SLF1: variants seen among roughly 807,000 people sequenced by gnomAD.
SLF1 encodes the protein SMC5-SMC6 complex localization factor protein 1.
Under a neutral mutation model 123.0 loss-of-function variants are expected in SLF1, and 105 were observed. That is an observed-to-expected ratio of 0.85 (90% confidence interval 0.73 to 1.00). SLF1 has a LOEUF of 1.00. SLF1 is among the 50% of genes least tolerant of loss of function. The pLI is 0.00. For missense variants in SLF1, 1,239 were observed against 1,223.0 expected, an observed-to-expected ratio of 1.01 and a Z score of -0.20; for synonymous variants, 434 against 406.6, an observed-to-expected ratio of 1.07 and a Z score of -0.81.
At chr5:94,686,375 A>G (rs1012056515) in intron 15 of SLF1, among the ~76,000 whole-genome samples, 198 bp from the exon 16 acceptor site, 2 of 152,186 alleles carry the variant, frequency 1.3e-5, no homozygotes, top group Non-Finnish European at 2.9e-5. Flanking sequence ...GTGTGAGAAC[A>G]TGTGCCATTA....
intron 12 of SLF1, among the ~76,000 whole-genome samples, chr5:94,667,813 A>G (rs550166405): frequency 1.3e-5 from 2 of 152,292 alleles, no homozygotes; most frequent in Non-Finnish European, 2.9e-5. Context: ...CAATGGCACA[A>G]TCACGGCTCA....
At chr5:94,658,626 C>G (rs1308824914) in intron 9 of SLF1, among the ~76,000 whole-genome samples, 1 of 152,082 alleles carries the variant, frequency 6.6e-6, no homozygotes, top group African/African-American at 2.4e-5. Flanking sequence ...GATAGTTTGA[C>G]TGTAATGTGC....
Position 94,686,660 on chromosome 5 carries a change from AGTT to A in SLF1, c.2066_2068del (p.Leu689del). On this transcript the variant is annotated inframe_deletion, in exon 16 of 21. Coordinates refer to ENST00000265140, the MANE Select transcript of SLF1 (RefSeq NM_032290.4). ...TTTGTTGCAGAGGCAGTCTTTAAAA[AGTT>A]GTGTCTACAGAGCTCTGGCAGTGTT... The A allele has an allele frequency of 1.2e-6, 2 of 1,614,162 alleles. No homozygotes were observed. Among genetic ancestry groups the A allele is most frequent in the South Asian group, 1.1e-5 (1 of 91,082 alleles).
chr5:94,643,459 T>C, intron 5 of SLF1, 24 bp downstream of exon 5: 3 of 1,342,344 alleles, frequency 2.2e-6, no homozygotes, highest in Non-Finnish European at 3.0e-6. Context: ...ATAGTAAACA[T>C]TTTATTTTGT....
intron 5 of SLF1, among the ~76,000 whole-genome samples, chr5:94,646,727 C>G (rs937291969): frequency 6.6e-6 from 1 of 152,104 alleles, no homozygotes; most frequent in African/African-American, 2.4e-5. Context: ...TGAGCCAGAT[C>G]AACTAATTTG....
At position 94,689,459 on chromosome 5, in the gene SLF1, AC is replaced by A. The variant is rs779144934; in HGVS notation, c.2286-13del. The A allele has an allele frequency of 6.2e-7, 1 of 1,600,764 alleles. No homozygotes were observed. The highest frequency in any genetic ancestry group is 1.1e-5 in the South Asian group (1 of 87,938). On this transcript the variant is annotated splice_polypyrimidine_tract_variant and intron_variant, in intron 17 of 20. Transcript: ENST00000265140. ...GAAAAACAAGCTTTCATTATTTCTT[AC>A]TTTTCCTTTCAGAGACCTGAACCTT...
At chr5:94,622,108 G>C (rs891303735) in intron 1 of SLF1, among the ~76,000 whole-genome samples, 51 of 152,216 alleles carry the variant, frequency 3.4e-4, no homozygotes, top group African/African-American at 1.2e-3. Context: ...CACAGTATAA[G>C]TACTGTGACA....
chr5:94,643,402 T>C lies in SLF1; in HGVS notation c.561T>C (p.Tyr187=). The C allele has an allele frequency of 6.6e-7, 1 of 1,523,478 alleles. No homozygotes were observed. Among genetic ancestry groups the C allele is most frequent in the Admixed American group, 2.1e-5 (1 of 46,572 alleles). 94.4% of individuals were successfully genotyped at this position (1,523,478 alleles called of 1,614,324 possible). A position where few individuals can be genotyped will look rare whatever the true frequency, so the allele number is the denominator to read the frequency against. ...AAGATAACTTTAAGGCTCCATTTTA[T>C]CCAATTCAGTATCTAGGGGATTTTC... ...KEKDNFKAPF[Y]PIQYLGDFLL... The change falls in exon 5 of 21, where the codon TAT becomes TAC. Residue 187 remains tyrosine, a synonymous_variant. Transcript: ENST00000265140.
intron 6 of SLF1, among the ~76,000 whole-genome samples, chr5:94,651,279 C>T (rs1465142940): frequency 6.6e-6 from 1 of 152,152 alleles, no homozygotes; most frequent in Non-Finnish European, 1.5e-5. Flanking sequence ...AATCAACTAA[C>T]GATGTACTTC....
intron 4 of SLF1, among the ~76,000 whole-genome samples, chr5:94,642,273 T>G (rs1746536487): frequency 6.6e-6 from 1 of 152,168 alleles, no homozygotes; most frequent in Non-Finnish European, 1.5e-5. Context: ...TCCCTGCATT[T>G]CTCCTAACCT....
intron 4 of SLF1, among the ~76,000 whole-genome samples, chr5:94,638,174 C>A (rs66488253): frequency 0.23 from 34,593 of 151,510 alleles, 4,075 homozygotes; most frequent in East Asian, 0.34. Context: ...TCTTCTTCTT[C>A]TTATTTTTTA....
At chr5:94,668,418 C>G (rs537395977) in intron 12 of SLF1, among the ~76,000 whole-genome samples, 2 of 151,996 alleles carry the variant, frequency 1.3e-5, no homozygotes, top group South Asian at 4.2e-4. Flanking sequence ...ACTGCAACCT[C>G]CGCCTCGCAG....
chr5:94,648,419 T>C (rs749494327), intron 5 of SLF1, among the ~76,000 whole-genome samples: 1 of 152,198 alleles, frequency 6.6e-6, no homozygotes, highest in Admixed American at 6.5e-5. Context: ...GTTTTTTTTA[T>C]AATTGTTCCC....
At chr5:94,687,307 ATTATGGTTGCACT>A (rs1463200994) in intron 16 of SLF1, among the ~76,000 whole-genome samples, 1 of 152,172 alleles carries the variant, frequency 6.6e-6, no homozygotes, top group African/African-American at 2.4e-5. Context: ...GCTGTAGTGC[ATTATGGTTGCACT>A]TGTGCATAGC....
At chr5:94,630,340 A>G (rs1456110259) in intron 3 of SLF1, among the ~76,000 whole-genome samples, 163 bp from the exon 4 acceptor site, 1 of 152,224 alleles carries the variant, frequency 6.6e-6, no homozygotes, top group African/African-American at 2.4e-5. Context: ...TAAGCCTCTT[A>G]CTATCAGAAA....
chr5:94,642,558 G>GTT (rs1240157779), intron 4 of SLF1, among the ~76,000 whole-genome samples: 1 of 152,222 alleles, frequency 6.6e-6, no homozygotes, highest in East Asian at 1.9e-4. Flanking sequence ...TGGTTGACTT[G>GTT]TTACCTCGGT....
Position 94,688,558 on chromosome 5 carries a change from A to G in SLF1, c.2174A>G (p.Lys725Arg). 5.6e-6 allele frequency: 9 copies of G among 1,614,096 alleles called. No homozygotes were observed. The highest frequency in any genetic ancestry group is 7.6e-6 in the Non-Finnish European group (9 of 1,179,980). The change falls in exon 17 of 21, where the codon AAG (lysine) becomes AGG (arginine). Residue 725 changes from lysine to arginine, a missense_variant. Transcript: ENST00000265140. ...LGKTGVLGSG[K>R]IQVSKKIGQR... ...AAAACTGGTGTGCTTGGGTCTGGAAAGATTCAGGTGTCAAAGAAAATAGGA... is the reference window on the plus strand; with the variant it reads ...AAAACTGGTGTGCTTGGGTCTGGAAGGATTCAGGTGTCAAAGAAAATAGGA...
chr5:94,676,252 T>A (rs1183872590), intron 14 of SLF1, among the ~76,000 whole-genome samples: 1 of 152,186 alleles, frequency 6.6e-6, no homozygotes, highest in Non-Finnish European at 1.5e-5. Context: ...ATTCTCTTGA[T>A]AACAGTGAGA....
chr5:94,677,210 A>C (rs185963988), intron 14 of SLF1, among the ~76,000 whole-genome samples: 2 of 152,336 alleles, frequency 1.3e-5, no homozygotes, highest in East Asian at 3.9e-4. Context: ...CATGTAAACT[A>C]TGAAGACAAA....
Sources: gnomAD v4.1 joint callset for allele counts (sites outside exome capture counted in the v4.1 genomes callset) on GRCh38, gnomAD v4.1.1 for gene constraint, MANE v1.5 for transcripts, NCBI Gene and HGNC (gene_info 2026-07-23, HGNC 2026-07-21) for gene names.